The following CFAP299 variants were observed in gnomAD, a reference collection of about 807,000 sequenced individuals.
The protein encoded by CFAP299 is cilia- and flagella-associated protein 299.
In CFAP299, 21 loss-of-function variants were observed where a neutral mutation model predicts 27.0. That is an observed-to-expected ratio of 0.78 (90% CI 0.55 to 1.12). The LOEUF (loss-of-function observed/expected upper bound fraction) is 1.12, where lower values mean the gene tolerates loss of function less well. Ranked by LOEUF, CFAP299 falls within the 50% of genes most tolerant of loss-of-function variation. CFAP299 has a pLI of 0.00. For synonymous variants in CFAP299, 104 were observed against 98.1 expected (o/e 1.06, Z -0.36); for missense variants, 310 against 276.6 (o/e 1.12, Z -0.86).
chr4:80,721,351 C>A (rs1722798836), intron 3 of CFAP299, among the ~76,000 whole-genome samples: 1 of 152,158 alleles, frequency 6.6e-6, no homozygotes, highest in Non-Finnish European at 1.5e-5. Context: ...AATTTATTTT[C>A]TCACAATTTT....
chr4:80,860,466 T>C lies in CFAP299; in HGVS notation c.334-9527T>C, dbSNP rs144835711. Among the ~76,000 whole-genome samples the C allele has an allele frequency of 2.1e-3, 324 of 152,308 alleles. 1 individual carries two copies. Among genetic ancestry groups the C allele is most frequent in the African/African-American group, 7.6e-3 (315 of 41,560 alleles). ...TTGCTGGTGAGGAACTGCGATCCTT[T>C]GGAGGAGGAGAAGTGCTCTGCTTTG... On this transcript the variant is annotated intron_variant, in intron 3 of 5. Transcript: ENST00000358105.
At chr4:80,461,309 A>G (rs1046745462) in intron 2 of CFAP299, among the ~76,000 whole-genome samples, 1 of 152,200 alleles carries the variant, frequency 6.6e-6, no homozygotes, top group Non-Finnish European at 1.5e-5. Context: ...GATTTTCCCC[A>G]CAAGAGACAG....
At chr4:80,500,514 T>A (rs1731689064) in intron 2 of CFAP299, among the ~76,000 whole-genome samples, 1 of 152,144 alleles carries the variant, frequency 6.6e-6, no homozygotes, top group Non-Finnish European at 1.5e-5. Context: ...ACTATCAAAT[T>A]TTAAATTGCA....
chr4:80,337,548 C>T (rs1722212759), intron 1 of CFAP299, among the ~76,000 whole-genome samples: 1 of 152,088 alleles, frequency 6.6e-6, no homozygotes, highest in South Asian at 2.1e-4. Context: ...CAGGTCTGCA[C>T]CACCATACCC....
At chr4:80,944,483 G>A (rs1737369250) in intron 4 of CFAP299, among the ~76,000 whole-genome samples, 1 of 152,170 alleles carries the variant, frequency 6.6e-6, no homozygotes, top group South Asian at 2.1e-4. Flanking sequence ...ATACCCTGAA[G>A]AACCTGAACT....
At chr4:80,757,855 C>T (rs1014184390) in intron 3 of CFAP299, among the ~76,000 whole-genome samples, 8 of 152,008 alleles carry the variant, frequency 5.3e-5, no homozygotes, top group Admixed American at 3.3e-4. Flanking sequence ...CTGGGTGCTT[C>T]GGAGCCAGTA....
At chr4:80,585,323 G>T (rs1483010221) in intron 3 of CFAP299, among the ~76,000 whole-genome samples, 1 of 152,118 alleles carries the variant, frequency 6.6e-6, no homozygotes, top group Non-Finnish European at 1.5e-5. Context: ...AATTTGATTT[G>T]TTTTTGACAA....
intron 2 of CFAP299, among the ~76,000 whole-genome samples, chr4:80,498,426 G>A (rs1229773106): frequency 7.9e-5 from 12 of 151,900 alleles, no homozygotes; most frequent in Admixed American, 7.9e-4. Context: ...TTAAAAATTG[G>A]GCAAAGGACA....
At chr4:80,552,886 C>T (rs901126540) in intron 2 of CFAP299, among the ~76,000 whole-genome samples, 3 of 152,118 alleles carry the variant, frequency 2.0e-5, no homozygotes, top group Non-Finnish European at 2.9e-5. Context: ...GGGGCGCTCA[C>T]TATGTTTTCC....
intron 2 of CFAP299, among the ~76,000 whole-genome samples, chr4:80,541,085 A>G (rs2110198756): frequency 6.6e-6 from 1 of 152,190 alleles, no homozygotes; most frequent in East Asian, 1.9e-4. Flanking sequence ...TTAGTAATAT[A>G]TTTTTCGTTT....
the CFAP299 span, among the ~76,000 whole-genome samples, chr4:80,322,847 T>C: frequency 2.6e-5 from 4 of 152,314 alleles, no homozygotes; most frequent in Non-Finnish European, 4.4e-5. Flanking sequence ...ATTACAGCCT[T>C]CACCTGTGGG....
rs70944795 is a variant in CFAP299, at chr4:80,591,105, A to ATTT, written c.333+7946_333+7948dup. ...GAAACAGATTATAATACTTTAGGAA[A>ATTT]TTTTTTTTTTTTTTTTTTTTTTTTT... On this transcript the variant is annotated intron_variant, in intron 3 of 5. Transcript: ENST00000358105. Among the ~76,000 whole-genome samples the ATTT allele has an allele frequency of 9.9e-4, 126 of 126,854 alleles. 1 individual carries two copies. The highest frequency in any genetic ancestry group is 3.4e-3 in the African/African-American group (110 of 32,800). 83.2% of individuals were successfully genotyped at this position (126,854 alleles called of 152,430 possible).
In CFAP299 at chr4:80,653,041, G is replaced by A. The variant is rs148643312; in HGVS notation, c.333+69858G>A. Reference sequence around the variant, plus strand: ...TTTCTCATGTGAATTTAGAGACAATGTACCCTGCTTTTGTTGTCTGCTTAA... The same window carrying A: ...TTTCTCATGTGAATTTAGAGACAATATACCCTGCTTTTGTTGTCTGCTTAA... On this transcript the variant is annotated intron_variant, in intron 3 of 5. Transcript: ENST00000358105. Among the ~76,000 whole-genome samples the A allele has an allele frequency of 2.9e-3, 434 of 152,200 alleles. 1 individual carries two copies. The highest frequency in any genetic ancestry group is 9.6e-3 in the African/African-American group (398 of 41,552).
chr4:80,624,172 T>C (rs371967206), intron 3 of CFAP299, among the ~76,000 whole-genome samples: 1 of 152,030 alleles, frequency 6.6e-6, no homozygotes, highest in Non-Finnish European at 1.5e-5. Context: ...AAAATAGAGA[T>C]ATATGATATA....
intron 2 of CFAP299, among the ~76,000 whole-genome samples, chr4:80,566,152 C>T (rs1735272183): frequency 6.6e-6 from 1 of 152,122 alleles, no homozygotes; most frequent in Non-Finnish European, 1.5e-5. Context: ...TTCCATCCAA[C>T]TCTATCACTT....
At chr4:80,600,865 A>T (rs975143930) in intron 3 of CFAP299, among the ~76,000 whole-genome samples, 2 of 152,140 alleles carry the variant, frequency 1.3e-5, no homozygotes, top group African/African-American at 2.4e-5. Context: ...TAGTTGAACC[A>T]CTTTGGAAAA....
chr4:80,409,895 C>T (rs897314582), intron 2 of CFAP299, among the ~76,000 whole-genome samples: 1 of 152,144 alleles, frequency 6.6e-6, no homozygotes, highest in African/African-American at 2.4e-5. Context: ...GAAAAGTAAT[C>T]TCTGTGCTTT....
chr4:80,760,454 G>A (rs774625326), intron 3 of CFAP299, among the ~76,000 whole-genome samples: 2 of 152,152 alleles, frequency 1.3e-5, no homozygotes, highest in African/African-American at 2.4e-5. Context: ...AACGCTGAAA[G>A]TGTAATGGCC....
intron 3 of CFAP299, among the ~76,000 whole-genome samples, chr4:80,852,273 A>G (rs1320810280): frequency 6.6e-6 from 1 of 152,170 alleles, no homozygotes; most frequent in East Asian, 1.9e-4. Flanking sequence ...AGCTTGTTAA[A>G]AATGCAAATT....
Sources: gnomAD v4.1 joint callset for allele counts (sites outside exome capture counted in the v4.1 genomes callset) on GRCh38, gnomAD v4.1.1 for gene constraint, MANE v1.5 for transcripts, NCBI Gene and HGNC (gene_info 2026-07-23, HGNC 2026-07-21) for gene names.